CLIC5: variants seen among roughly 807,000 people sequenced by gnomAD.
The protein encoded by CLIC5 is CLIC family member 5, also known as chloride intracellular channel protein 5.
Under a neutral mutation model 24.7 loss-of-function variants are expected in CLIC5, and 20 were observed. That is an observed-to-expected ratio of 0.81 (90% CI 0.57 to 1.18). The LOEUF (loss-of-function observed/expected upper bound fraction) is 1.18, where lower values mean the gene tolerates loss of function less well. Ranked by LOEUF, CLIC5 falls within the 50% of genes most tolerant of loss-of-function variation. CLIC5 has a pLI of 0.00. For missense variants in CLIC5, 341 were observed against 326.1 expected, an observed-to-expected ratio of 1.05 and a Z score of -0.35; for synonymous variants, 159 against 135.6, an observed-to-expected ratio of 1.17 and a Z score of -1.20.
chr6:45,945,476 A>C (rs1489538587), intron 3 of CLIC5, among the ~76,000 whole-genome samples: 1 of 152,076 alleles, frequency 6.6e-6, no homozygotes, highest in Non-Finnish European at 1.5e-5. Context: ...CCTGCAAAAC[A>C]CTTTGGGAGA....
chr6:45,969,835 A>G (rs1041754096), intron 1 of CLIC5, among the ~76,000 whole-genome samples: 1 of 119,484 alleles, frequency 8.4e-6, no homozygotes, highest in Non-Finnish European at 1.6e-5. Context: ...TGGAGGATTT[A>G]CTCAGGGTAA....
chr6:46,113,764 T>C, the CLIC5 span, among the ~76,000 whole-genome samples: 47 of 152,276 alleles, frequency 3.1e-4, no homozygotes, highest in South Asian at 8.9e-3. Context: ...AGGTAATCAA[T>C]TTAAAATGAG....
At chr6:45,919,177 T>C (rs1400612603) in intron 4 of CLIC5, 1 of 887,322 alleles carries the variant, frequency 1.1e-6, no homozygotes. Context: ...TCTCTTTGCA[T>C]TGATATGCTC....
intron 3 of CLIC5, among the ~76,000 whole-genome samples, chr6:45,949,040 C>T (rs1410042426): frequency 6.6e-6 from 1 of 152,104 alleles, no homozygotes; most frequent in Non-Finnish European, 1.5e-5. Flanking sequence ...GGCTCTTGTT[C>T]ATAGGCCATA....
chr6:46,123,914 T>G, the CLIC5 span, among the ~76,000 whole-genome samples: 3 of 152,264 alleles, frequency 2.0e-5, no homozygotes, highest in South Asian at 4.1e-4. Flanking sequence ...TACAAACCAC[T>G]GCTCAATGAA....
chr6:46,030,562 T>C (rs1767469529), intron 1 of CLIC5, among the ~76,000 whole-genome samples: 1 of 152,056 alleles, frequency 6.6e-6, no homozygotes, highest in South Asian at 2.1e-4. Context: ...CGGCATGGAC[T>C]GCACTCCCCA....
chr6:45,980,822 C>T (rs1415079960), intron 1 of CLIC5, among the ~76,000 whole-genome samples: 1 of 152,024 alleles, frequency 6.6e-6, no homozygotes, highest in Non-Finnish European at 1.5e-5. Flanking sequence ...TCATCTTCTC[C>T]AAGAAATTGT....
chr6:45,967,683 G>T (rs575726018), intron 1 of CLIC5, among the ~76,000 whole-genome samples: 1 of 152,288 alleles, frequency 6.6e-6, no homozygotes, highest in East Asian at 1.9e-4. Context: ...GGCTGTACAA[G>T]TGCCATGCCA....
chr6:45,998,050 A>G (rs113190709), intron 1 of CLIC5, among the ~76,000 whole-genome samples: 1 of 152,242 alleles, frequency 6.6e-6, no homozygotes, highest in Admixed American at 6.5e-5. Context: ...GTGACCTCAT[A>G]AGACAGTATT....
chr6:45,912,082 T>G (rs1417566821), intron 5 of CLIC5: 3 of 986,108 alleles, frequency 3.0e-6, no homozygotes, highest in East Asian at 2.3e-4. Context: ...GGGACTTCCA[T>G]GCTCATGTTC....
At chr6:45,958,531 A>C (rs4563714) in intron 1 of CLIC5, among the ~76,000 whole-genome samples, 116,179 of 136,816 alleles carry the variant, frequency 0.85, 50,092 homozygotes, top group Non-Finnish European at 0.9. Context: ...CATGATTGCC[A>C]GCTATAATCC....
rs183134808 is a variant in CLIC5, at chr6:45,902,917, G to T, written c.*171C>A. 134 of 683,866 alleles carry T rather than the reference G, an allele frequency of 2.0e-4. No individual in the cohort carries two copies. The highest frequency in any genetic ancestry group is 4.5e-5 in the Non-Finnish European group (18 of 403,104). 42.4% of individuals were successfully genotyped at this position (683,866 alleles called of 1,614,324 possible). Reference sequence around the variant, plus strand: ...TTCCTATGTGAGGAGGCCAGGGATGGTGCTGACCTTCATGAAAGATAGCAG... The same window carrying T: ...TTCCTATGTGAGGAGGCCAGGGATGTTGCTGACCTTCATGAAAGATAGCAG... On this transcript the variant is annotated 3_prime_UTR_variant, in exon 6 of 6. Coordinates refer to ENST00000339561, the MANE Select transcript of CLIC5 (RefSeq NM_016929.5).
intron 6 of CLIC5, among the ~76,000 whole-genome samples, chr6:45,890,485 A>ATATT (rs1433909474): frequency 6.6e-6 from 1 of 152,182 alleles, no homozygotes; most frequent in African/African-American, 2.4e-5. Context: ...GAGCACAGCC[A>ATATT]TTTTTGGAAA....
the CLIC5 span, among the ~76,000 whole-genome samples, chr6:46,100,763 C>T: frequency 0.34 from 50,932 of 152,006 alleles, 8,717 homozygotes; most frequent in Middle Eastern, 0.45. Context: ...TCTGAAGTTT[C>T]GCTGAAAAAT....
At chr6:46,065,771 C>A (rs1380034153) in intron 1 of CLIC5, among the ~76,000 whole-genome samples, 1 of 152,160 alleles carries the variant, frequency 6.6e-6, no homozygotes, top group African/African-American at 2.4e-5. Flanking sequence ...AAGGGACTCA[C>A]AGCAAAGGAG....
intron 4 of CLIC5, among the ~76,000 whole-genome samples, chr6:45,941,226 G>T (rs1764118646): frequency 6.6e-6 from 1 of 152,190 alleles, no homozygotes; most frequent in African/African-American, 2.4e-5. Flanking sequence ...GGACAAATGG[G>T]CAGTGAGGAC....
At position 45,893,012 on chromosome 6, in the gene CLIC5, T is replaced by G. The variant is rs186660950; in HGVS notation, c.624-11824A>C. ...CCTTTCATTATCTTCCTCAACACCC[T>G]TATACAGTTCCCTTTTCTAGAATTA... On this transcript the variant is annotated intron_variant, in intron 6 of 6. Transcript: ENST00000644324. Among the ~76,000 whole-genome samples the G allele has an allele frequency of 3.5e-3, 536 of 152,342 alleles. 8 individuals carry two copies. Among genetic ancestry groups the G allele is most frequent in the African/African-American group, 0.012 (511 of 41,584 alleles).
chr6:45,909,952 C>A (rs2127301267), intron 5 of CLIC5, among the ~76,000 whole-genome samples: 1 of 152,190 alleles, frequency 6.6e-6, no homozygotes, highest in African/African-American at 2.4e-5. Flanking sequence ...GCAGAGTTTC[C>A]CAGAAAGTTA....
intron 1 of CLIC5, among the ~76,000 whole-genome samples, chr6:45,995,008 T>A (rs1434600648): frequency 6.6e-6 from 1 of 152,176 alleles, no homozygotes; most frequent in African/African-American, 2.4e-5. Flanking sequence ...CCTATTATAG[T>A]GTCCAGGAAA....
Sources: allele counts gnomAD v4.1 joint callset (sites outside exome capture counted in the v4.1 genomes callset), GRCh38; gene constraint gnomAD v4.1.1; transcripts MANE v1.5; gene names NCBI Gene and HGNC (gene_info 2026-07-23, HGNC 2026-07-21).